KIAA1549: variants seen among roughly 807,000 people sequenced by gnomAD.
KIAA1549 encodes UPF0606 protein KIAA1549.
In KIAA1549, 70 loss-of-function variants were observed where a neutral mutation model predicts 156.4. The ratio of observed to expected loss-of-function variants is 0.45; its 90% CI spans 0.37 to 0.55. KIAA1549 has a LOEUF of 0.55. Among genes scored for constraint, KIAA1549 ranks in the 20% least tolerant of loss-of-function variants. The pLI, the probability that KIAA1549 is intolerant of heterozygous loss-of-function variation, is 0.00. For missense variants in KIAA1549, 2,428 were observed against 2,540.9 expected (o/e 0.96, Z 0.96); for synonymous variants, 1,103 against 1,066.4 (o/e 1.03, Z -0.67).
intron 3 of KIAA1549, 27 bp from the exon 4 acceptor site, chr7:138,911,350 ATTCAAAC>A (rs753830979): frequency 1.3e-6 from 2 of 1,494,092 alleles, no homozygotes; most frequent in Admixed American, 4.4e-5. Flanking sequence ...TACAAAGACA[ATTCAAAC>A]TTAAAGGAAG....
At chr7:138,897,892 CAA>C (rs59242488) in intron 9 of KIAA1549, among the ~76,000 whole-genome samples, 1,033 of 27,210 alleles carry the variant, frequency 0.038, 1 homozygote, top group East Asian at 0.17. Context: ...GACCCTTTCT[CAA>C]AAAAAAAAAA....
At chr7:138,869,205 G>A (rs1810846109) in intron 14 of KIAA1549, among the ~76,000 whole-genome samples, 1 of 152,198 alleles carries the variant, frequency 6.6e-6, no homozygotes, top group African/African-American at 2.4e-5. Flanking sequence ...AGTGTGGGAA[G>A]GAAAGGGTGA....
intron 1 of KIAA1549, among the ~76,000 whole-genome samples, chr7:138,947,774 T>A (rs989472434): frequency 3.9e-5 from 6 of 152,212 alleles, no homozygotes; most frequent in African/African-American, 1.4e-4. Context: ...TTTTTTTTTT[T>A]ATTTTTAAGA....
chr7:138,842,279 G>T (rs1352188281), intron 18 of KIAA1549, among the ~76,000 whole-genome samples: 1 of 152,176 alleles, frequency 6.6e-6, no homozygotes, highest in Non-Finnish European at 1.5e-5. Flanking sequence ...TCAGCATTGA[G>T]CCCAGCAAGC....
intron 12 of KIAA1549, among the ~76,000 whole-genome samples, chr7:138,875,304 T>C (rs1288156827): frequency 6.6e-6 from 1 of 152,098 alleles, no homozygotes; most frequent in African/African-American, 2.4e-5. Flanking sequence ...CACCATAAAT[T>C]TATATGTTTT....
intron 1 of KIAA1549, among the ~76,000 whole-genome samples, chr7:138,924,192 TTTC>T (rs1812645774): frequency 4.7e-5 from 7 of 148,188 alleles, no homozygotes; most frequent in Non-Finnish European, 1.0e-4. Context: ...CTTTTTTTTT[TTTC>T]TTTTTTTTTT....
In KIAA1549 at chr7:138,881,569, C is replaced by A; in HGVS notation, c.4048G>T (p.Val1350Leu). Residue 1350 changes from valine to leucine, a missense_variant, in exon 11 of 20, where the codon GTG becomes TTG. Physicochemically the swap from Val to Leu is conservative, Grantham distance 32 (BLOSUM62 1). Coordinates refer to ENST00000422774, the MANE Select transcript of KIAA1549 (RefSeq NM_001164665.2). ...QQRQKLQIPS[V>L]KGFDFAKQHL... ...TGCTTAGCAAAATCGAAGCCCTTCA[C>A]ACTAGGGATCTGCAGCTGAAACATA... 1 of 1,612,432 alleles carries A rather than the reference C, an allele frequency of 6.2e-7. No individual in the cohort carries two copies. The highest frequency in any genetic ancestry group is 1.1e-5 in the South Asian group (1 of 90,868).
chr7:138,967,366 G>A (rs1814060333), intron 1 of KIAA1549, among the ~76,000 whole-genome samples: 1 of 152,194 alleles, frequency 6.6e-6, no homozygotes, highest in South Asian at 2.1e-4. Flanking sequence ...CCTGATAACA[G>A]GAAATCTGAG....
intron 1 of KIAA1549, among the ~76,000 whole-genome samples, chr7:138,939,024 T>C (rs1417050124): frequency 6.7e-6 from 1 of 149,730 alleles, no homozygotes; most frequent in Non-Finnish European, 1.5e-5. Context: ...AAAAAAAAAT[T>C]AATTAATTAA....
chr7:138,932,592 C>G (rs529218862), intron 1 of KIAA1549, among the ~76,000 whole-genome samples: 1 of 152,226 alleles, frequency 6.6e-6, no homozygotes, highest in South Asian at 2.1e-4. Flanking sequence ...CTGCTGTGTG[C>G]AGAACAGGCT....
At chr7:138,909,181 G>C in intron 4 of KIAA1549, 60 bp from the exon 5 acceptor site, 1 of 1,535,796 alleles carries the variant, frequency 6.5e-7, no homozygotes, top group Non-Finnish European at 8.9e-7. Flanking sequence ...GAAGTATTAA[G>C]GAATCAAGAG....
intron 17 of KIAA1549, among the ~76,000 whole-genome samples, chr7:138,849,551 T>A (rs1810175963): frequency 6.6e-6 from 1 of 152,160 alleles, no homozygotes; most frequent in Admixed American, 6.6e-5. Context: ...CATAGAAATT[T>A]TCTTTTTTTT....
At position 138,861,129 on chromosome 7, in the gene KIAA1549, C is replaced by T; in HGVS notation, c.5247+10G>A. 6.2e-7 allele frequency: 1 copy of T among 1,613,318 alleles called. No homozygotes were observed. Among genetic ancestry groups the T allele is most frequent in the South Asian group, 1.1e-5 (1 of 91,042 alleles). On this transcript the variant is annotated intron_variant, in intron 16 of 19. Coordinates refer to ENST00000422774, the MANE Select transcript of KIAA1549 (RefSeq NM_001164665.2). ...TGCCCATCAGAGAATTCTAGAAGGC[C>T]AGTACTTACACTGCAGGGATTGTTG...
chr7:138,954,997 C>T (rs1813619314), intron 1 of KIAA1549, among the ~76,000 whole-genome samples: 1 of 152,148 alleles, frequency 6.6e-6, no homozygotes, highest in African/African-American at 2.4e-5. Context: ...CAGCAGGCCT[C>T]GGATTAAGTC....
chr7:138,921,479 C>T (rs113220022), intron 1 of KIAA1549, among the ~76,000 whole-genome samples: 3,771 of 152,242 alleles, frequency 0.025, 72 homozygotes, highest in Admixed American at 0.044. Context: ...TGACCATATT[C>T]GGAAACAGGG....
Position 138,918,704 on chromosome 7 carries a change from A to G in KIAA1549, c.922T>C (p.Ser308Pro). Residue 308 changes from serine (S) to proline (P), a missense_variant, in exon 2 of 20, where the codon TCA (serine) becomes CCA (proline). By Grantham distance (74) the Ser-to-Pro change is moderately conservative. Coordinates refer to ENST00000422774, the MANE Select transcript of KIAA1549 (RefSeq NM_001164665.2). This position sits in a 1 kb window ranked among gnomAD's most constrained non-coding sequence, Gnocchi z 4.2. ...TIPLPSLGEVSQPPEEVWATS... is the reference protein window; with the variant it reads ...TIPLPSLGEVPQPPEEVWATS... ...GCCCAAACCTCCTCTGGAGGCTGTG[A>G]GACCTCCCCCAAGGAGGGCAACGGT... 1 of 1,613,842 alleles carries G rather than the reference A, an allele frequency of 6.2e-7. No individual in the cohort carries two copies. Among genetic ancestry groups the G allele is most frequent in the South Asian group, 1.1e-5 (1 of 91,080 alleles).
At chr7:138,938,940 T>C (rs1259243833) in intron 1 of KIAA1549, among the ~76,000 whole-genome samples, 1 of 152,086 alleles carries the variant, frequency 6.6e-6, no homozygotes, top group African/African-American at 2.4e-5. Flanking sequence ...CCCAGCTACT[T>C]GGGAGGCTGA....
At chr7:138,872,240 C>T (rs1218574643) in intron 12 of KIAA1549, among the ~76,000 whole-genome samples, 2 of 152,074 alleles carry the variant, frequency 1.3e-5, no homozygotes, top group Non-Finnish European at 2.9e-5. Flanking sequence ...AGCCACCGGG[C>T]CCGGCGCTAG....
intron 10 of KIAA1549, among the ~76,000 whole-genome samples, chr7:138,889,629 C>T (rs564903444): frequency 2.0e-5 from 3 of 152,262 alleles, no homozygotes; most frequent in Non-Finnish European, 2.9e-5. Context: ...ACCAAGAAAA[C>T]GGCACGTGTC....
Sources: gnomAD v4.1 joint callset for allele counts (sites outside exome capture counted in the v4.1 genomes callset) on GRCh38, gnomAD v4.1.1 for gene constraint, Gnocchi (gnomAD v3.1) non-coding constraint, MANE v1.5 for transcripts, NCBI Gene and HGNC (gene_info 2026-07-23, HGNC 2026-07-21) for gene names.